Variants in GPR149 observed in about 807,000 individuals in gnomAD.
GPR149 encodes the protein G protein-coupled receptor 149.
GPR149 carries 50 observed loss-of-function variants against 50.2 expected under a neutral mutation model. The ratio of observed to expected loss-of-function variants is 1.00; its 90% CI spans 0.79 to 1.26. The LOEUF (loss-of-function observed/expected upper bound fraction) is 1.26, where lower values mean the gene tolerates loss of function less well. Among genes scored for constraint, GPR149 ranks in the 50% most tolerant of loss-of-function variants. The pLI, the probability that GPR149 is intolerant of heterozygous loss-of-function variation, is 0.00. For synonymous variants in GPR149, 405 were observed against 358.2 expected (o/e 1.13, Z -1.48); for missense variants, 983 against 895.4 (o/e 1.10, Z -1.25).
intron 3 of GPR149, chr3:154,353,996 G>A (rs1714153204): frequency 4.2e-6 from 2 of 471,152 alleles, no homozygotes; most frequent in Non-Finnish European, 8.0e-6. Context: ...ACTATCTAAG[G>A]ATGATACTTG....
intron 3 of GPR149, among the ~76,000 whole-genome samples, chr3:154,420,564 T>C (rs1712112233): frequency 6.6e-6 from 1 of 152,000 alleles, no homozygotes; most frequent in Admixed American, 6.6e-5. Flanking sequence ...CTAGTAAGAC[T>C]GATAGGCAAG....
At chr3:154,428,420 A>G (rs1219752315) in intron 1 of GPR149, among the ~76,000 whole-genome samples, 1 of 152,198 alleles carries the variant, frequency 6.6e-6, no homozygotes, top group African/African-American at 2.4e-5. Flanking sequence ...GACTTTTGAA[A>G]GGAGAAGCAT....
intron 3 of GPR149, among the ~76,000 whole-genome samples, chr3:154,341,787 C>T (rs701144): frequency 0.91 from 137,853 of 152,146 alleles, 62,681 homozygotes; most frequent in East Asian, 1. Flanking sequence ...AAACAAACAA[C>T]AAGGTGGATT....
At position 154,338,196 on chromosome 3, in the gene GPR149, T is replaced by A. The variant is rs774344166; in HGVS notation, c.1699A>T (p.Thr567Ser). 1 of 1,613,864 alleles carries A rather than the reference T, an allele frequency of 6.2e-7. No homozygotes were observed. Among genetic ancestry groups the A allele is most frequent in the Non-Finnish European group, 8.5e-7 (1 of 1,179,960 alleles). The change falls in exon 4 of 4, where the codon ACC becomes TCC. Residue 567 changes from threonine (T) to serine (S), a missense_variant. Coordinates refer to ENST00000389740, the MANE Select transcript of GPR149 (RefSeq NM_001038705.3). ...TVSLHAPTGK[T>S]LSLSTYEVSA... The stretch of plus-strand genomic sequence containing the variant: ...ACCTCATAGGTAGAAAGAGATAGGG[T>A]TTTCCCTGTAGGTGCATGGAGAGAC...
chr3:154,360,489 C>T (rs1449606091), intron 3 of GPR149, among the ~76,000 whole-genome samples: 1 of 152,028 alleles, frequency 6.6e-6, no homozygotes, highest in African/African-American at 2.4e-5. Context: ...TACGATTATC[C>T]CCATTTTACA....
intron 3 of GPR149, among the ~76,000 whole-genome samples, chr3:154,370,841 A>G (rs2108400794): frequency 6.6e-6 from 1 of 152,300 alleles, no homozygotes; most frequent in Non-Finnish European, 1.5e-5. Flanking sequence ...AGCTGCCATT[A>G]GGAGACTTTG....
intron 3 of GPR149, among the ~76,000 whole-genome samples, chr3:154,363,609 A>G (rs901537244): frequency 1.3e-5 from 2 of 152,158 alleles, no homozygotes; most frequent in African/African-American, 4.8e-5. Flanking sequence ...ACAAGTCCCC[A>G]GTGAAATCCA....
At chr3:154,359,655 A>G (rs1321589494) in intron 3 of GPR149, among the ~76,000 whole-genome samples, 1 of 152,104 alleles carries the variant, frequency 6.6e-6, no homozygotes, top group African/African-American at 2.4e-5. Flanking sequence ...TTGGTTTCTC[A>G]AGCTGACTGA....
At chr3:154,372,571 G>A (rs1439111707) in intron 3 of GPR149, among the ~76,000 whole-genome samples, 8 of 152,124 alleles carry the variant, frequency 5.3e-5, no homozygotes, top group African/African-American at 1.9e-4. Flanking sequence ...TGCTATTGTT[G>A]TATTGGGGAT....
At chr3:154,418,991 T>A (rs1229499562) in intron 3 of GPR149, among the ~76,000 whole-genome samples, 1 of 152,122 alleles carries the variant, frequency 6.6e-6, no homozygotes, top group Non-Finnish European at 1.5e-5. Flanking sequence ...TCCTGTTGTT[T>A]TAAAATTTAT....
intron 3 of GPR149, among the ~76,000 whole-genome samples, chr3:154,364,566 A>T (rs184159950): frequency 6.6e-6 from 1 of 152,370 alleles, no homozygotes; most frequent in Admixed American, 6.5e-5. Context: ...CAATGGTGAG[A>T]TAGGCATGAC....
intron 3 of GPR149, among the ~76,000 whole-genome samples, chr3:154,369,566 C>T (rs566007658): frequency 3.9e-5 from 6 of 152,286 alleles, no homozygotes; most frequent in African/African-American, 1.4e-4. Context: ...TAAAGGCACA[C>T]CGGAAAGAGA....
At chr3:154,360,370 T>A (rs768797275) in intron 3 of GPR149, among the ~76,000 whole-genome samples, 1 of 152,216 alleles carries the variant, frequency 6.6e-6, no homozygotes, top group Non-Finnish European at 1.5e-5. Context: ...GAATCAAGGC[T>A]GTGGCAACAC....
At position 154,398,728 on chromosome 3, in the gene GPR149, TA is replaced by T. The variant is rs199531189; in HGVS notation, c.1623+22310del. On this transcript the variant is annotated intron_variant, in intron 3 of 3. Coordinates refer to ENST00000389740, the MANE Select transcript of GPR149 (RefSeq NM_001038705.3). ...TATGTGCTCTTGGATCTTAAATAAT[TA>T]AAAATGGCCATGACTCATTTCATCA... 3.5e-4 allele frequency among the ~76,000 whole-genome samples: 53 copies of T among 152,232 alleles called. 1 individual carries two copies. In the East Asian group the frequency reaches 0.01, roughly 29 times the overall value.
Position 154,337,069 on chromosome 3 carries a change from G to C in GPR149, c.*630C>G, listed in dbSNP as rs550046345. 1.4e-4 allele frequency: 22 copies of C among 152,012 alleles called. No individual in the cohort carries two copies. Among genetic ancestry groups the C allele is most frequent in the African/African-American group, 5.3e-4 (22 of 41,474 alleles). The allele number at this position is 152,012 out of a possible 1,614,324, so 9.4% of individuals were successfully genotyped here. ...AAAAGATGAAAGGAAAACTGTTATA[G>C]GTAAGAAAAAAAGAAAAAACAGTAA... On this transcript the variant is annotated 3_prime_UTR_variant, in exon 4 of 4. Transcript: ENST00000389740.
At chr3:154,384,133 T>C (rs2108408277) in intron 3 of GPR149, among the ~76,000 whole-genome samples, 1 of 152,342 alleles carries the variant, frequency 6.6e-6, no homozygotes. Context: ...GACAATGTAC[T>C]TTGCACTCAG....
intron 3 of GPR149, among the ~76,000 whole-genome samples, chr3:154,347,822 T>C (rs1003779803): frequency 2.6e-5 from 4 of 152,186 alleles, no homozygotes; most frequent in Admixed American, 2.6e-4. Flanking sequence ...AGAAGGTTTT[T>C]AAAATCATAC....
At chr3:154,354,678 G>T in intron 3 of GPR149, 1 of 328,718 alleles carries the variant, frequency 3.0e-6, no homozygotes, top group Non-Finnish European at 5.3e-6. Context: ...TCGGTGCTCA[G>T]CAAAGAGTAT....
intron 3 of GPR149, among the ~76,000 whole-genome samples, chr3:154,408,943 A>G (rs1316218994): frequency 3.9e-5 from 6 of 152,238 alleles, no homozygotes; most frequent in Non-Finnish European, 8.8e-5. Context: ...CACACTGAAC[A>G]AAAACACAAC....
Sources: allele counts gnomAD v4.1 joint callset (sites outside exome capture counted in the v4.1 genomes callset), GRCh38; gene constraint gnomAD v4.1.1; transcripts MANE v1.5; gene names NCBI Gene and HGNC (gene_info 2026-07-23, HGNC 2026-07-21).